The following IGSF21 variants were observed in gnomAD, a reference collection of about 807,000 sequenced individuals.
The protein encoded by IGSF21 is immunoglobulin superfamily member 21.
A neutral mutation model predicts 46.8 loss-of-function variants in IGSF21; 28 were observed. The observed-to-expected ratio is 0.60, with a 90% confidence interval of 0.44 to 0.82. IGSF21 has a LOEUF of 0.82. Among genes scored for constraint, IGSF21 ranks in the 40% least tolerant of loss-of-function variants. The pLI is 0.00. For synonymous variants in IGSF21, 284 were observed against 273.6 expected (o/e 1.04, Z -0.38); for missense variants, 624 against 665.5 (o/e 0.94, Z 0.69).
At position 18,198,479 on chromosome 1, in the gene IGSF21, A is replaced by C. The variant is rs578188031; in HGVS notation, c.71-29419A>C. Reference sequence around the variant, plus strand: ...CCCAGGGTGCCAAGGGATCGTCGTCATTCATCTCCCCCGTTTTTATTTTCT... The same window carrying C: ...CCCAGGGTGCCAAGGGATCGTCGTCCTTCATCTCCCCCGTTTTTATTTTCT... On this transcript the variant is annotated intron_variant, in intron 1 of 9. Coordinates refer to ENST00000251296, the MANE Select transcript of IGSF21 (RefSeq NM_032880.5). 2.6e-5 allele frequency among the ~76,000 whole-genome samples: 4 copies of C among 152,310 alleles called. No individual in the cohort carries two copies. The East Asian group carries it at 7.7e-4, about 29-fold the overall frequency.
intron 3 of IGSF21, among the ~76,000 whole-genome samples, chr1:18,319,686 G>A (rs149000916): frequency 2.0e-5 from 3 of 152,288 alleles, no homozygotes; most frequent in Non-Finnish European, 2.9e-5. Context: ...TTGTGCATTT[G>A]TTTCATCTAT....
intron 1 of IGSF21, among the ~76,000 whole-genome samples, chr1:18,181,051 G>T (rs147447352): frequency 6.6e-6 from 1 of 152,302 alleles, no homozygotes; most frequent in Non-Finnish European, 1.5e-5. Flanking sequence ...CATCGGGCAG[G>T]GCTGAGTGCT....
chr1:18,205,507 A>C (rs1360733170), intron 1 of IGSF21, among the ~76,000 whole-genome samples: 1 of 152,098 alleles, frequency 6.6e-6, no homozygotes, highest in African/African-American at 2.4e-5. Context: ...AGGATGGAAA[A>C]GGGACTGTGA....
At chr1:18,292,797 C>T (rs951248973) in intron 3 of IGSF21, among the ~76,000 whole-genome samples, 1 of 152,184 alleles carries the variant, frequency 6.6e-6, no homozygotes, top group African/African-American at 2.4e-5. Context: ...CTGAACTGAT[C>T]CCCCAAAGCT....
At chr1:18,312,048 C>T (rs528359883) in intron 3 of IGSF21, among the ~76,000 whole-genome samples, 1 of 152,166 alleles carries the variant, frequency 6.6e-6, no homozygotes, top group Non-Finnish European at 1.5e-5. Flanking sequence ...ACCAGGTTCA[C>T]CTTCCTTCTG....
At chr1:18,167,917 G>T (rs61763664) in intron 1 of IGSF21, among the ~76,000 whole-genome samples, 3 of 152,022 alleles carry the variant, frequency 2.0e-5, no homozygotes, top group African/African-American at 7.3e-5. Flanking sequence ...AGCTCCTCCT[G>T]CACGTTCCTC....
intron 1 of IGSF21, chr1:18,112,835 A>AG (rs889380430): frequency 3.9e-5 from 6 of 152,246 alleles, no homozygotes; most frequent in African/African-American, 1.4e-4. Flanking sequence ...TGCTGTGGGC[A>AG]GGGCACATGT....
chr1:18,307,156 T>C lies in IGSF21; in HGVS notation c.305+15169T>C, dbSNP rs188506556. On this transcript the variant is annotated intron_variant, in intron 3 of 9. Coordinates refer to ENST00000251296, the MANE Select transcript of IGSF21 (RefSeq NM_032880.5). ...GTTTGGCCATGTCTTGTTTTTTTTTTCCCCTGCTTGGTTAATGTTCCTGGG... is the reference window on the plus strand; with the variant it reads ...GTTTGGCCATGTCTTGTTTTTTTTTCCCCCTGCTTGGTTAATGTTCCTGGG... Among the ~76,000 whole-genome samples the C allele has an allele frequency of 3.7e-3, 557 of 152,156 alleles. 1 individual carries two copies. The highest frequency in any genetic ancestry group is 0.034 in the Middle Eastern group (10 of 294).
chr1:18,304,479 A>G (rs1019777153), intron 3 of IGSF21, among the ~76,000 whole-genome samples: 1 of 152,150 alleles, frequency 6.6e-6, no homozygotes, highest in African/African-American at 2.4e-5. Context: ...CCACCTGAGA[A>G]ACCAAGGCCC....
At chr1:18,299,895 C>A (rs2085344999) in intron 3 of IGSF21, among the ~76,000 whole-genome samples, 1 of 152,124 alleles carries the variant, frequency 6.6e-6, no homozygotes, top group African/African-American at 2.4e-5. Flanking sequence ...GGTCTCCTCC[C>A]AGCCACTAGG....
In IGSF21 at chr1:18,365,298, C is replaced by T. The variant is rs771315305; in HGVS notation, c.616C>T (p.Leu206=). Residue 206 remains leucine, a synonymous_variant, in exon 6 of 10, where the codon CTA becomes TTA. Transcript: ENST00000251296. The surrounding 1 kb of genome is among the most constrained non-coding windows in gnomAD (Gnocchi z 4.8). ...SEPPAASSGP[L]QDSRPFRSLL... is the part of the protein sequence containing the mutation. The stretch of plus-strand genomic sequence containing the variant: ...GCCACCAGCTGCGAGCTCCGGCCCC[C>T]TACAGGACAGCAGGCCCTTCCGCAG... The T allele has an allele frequency of 6.2e-7, 1 of 1,614,118 alleles. No homozygotes were observed.
intron 2 of IGSF21, among the ~76,000 whole-genome samples, chr1:18,258,465 G>T (rs940780053): frequency 1.3e-5 from 2 of 152,198 alleles, no homozygotes; most frequent in Non-Finnish European, 1.5e-5. Flanking sequence ...ATGGTAGAAG[G>T]AGGACTGGAT....
At chr1:18,257,676 C>T (rs574056143) in intron 2 of IGSF21, among the ~76,000 whole-genome samples, 45 of 152,288 alleles carry the variant, frequency 3.0e-4, no homozygotes, top group African/African-American at 1.1e-3. Context: ...GGCTTGGGTA[C>T]AGTGAATTTC....
At chr1:18,265,999 C>T (rs2084986247) in intron 2 of IGSF21, among the ~76,000 whole-genome samples, 1 of 152,100 alleles carries the variant, frequency 6.6e-6, no homozygotes, top group Non-Finnish European at 1.5e-5. Context: ...TTGATGAAGC[C>T]CGGAGACAGG....
At chr1:18,184,383 C>T (rs1477427834) in intron 1 of IGSF21, among the ~76,000 whole-genome samples, 1 of 152,174 alleles carries the variant, frequency 6.6e-6, no homozygotes, top group Non-Finnish European at 1.5e-5. Context: ...TATTTGGAAA[C>T]GTCCCTGGGG....
At chr1:18,247,048 C>CTTTTT (rs34980016) in intron 2 of IGSF21, among the ~76,000 whole-genome samples, 3 of 122,422 alleles carry the variant, frequency 2.5e-5, no homozygotes, top group Admixed American at 8.2e-5. Context: ...AGCTGGAATT[C>CTTTTT]TTTTTTTTTT....
intron 3 of IGSF21, among the ~76,000 whole-genome samples, chr1:18,329,386 A>G (rs2085690344): frequency 6.6e-6 from 1 of 152,194 alleles, no homozygotes; most frequent in Non-Finnish European, 1.5e-5. Flanking sequence ...AAAGGACCTC[A>G]TCCAACATCA....
At chr1:18,151,409 G>A (rs773800814) in intron 1 of IGSF21, among the ~76,000 whole-genome samples, 6 of 152,178 alleles carry the variant, frequency 3.9e-5, no homozygotes, top group African/African-American at 1.4e-4. Flanking sequence ...GAGGTTCCCC[G>A]CTGGATCCTC....
chr1:18,199,831 T>C (rs1026959335), intron 1 of IGSF21, among the ~76,000 whole-genome samples: 1 of 151,946 alleles, frequency 6.6e-6, no homozygotes, highest in East Asian at 1.9e-4. Flanking sequence ...TCAGAGCCCC[T>C]CCCCGCTTCG....
Sources: allele counts gnomAD v4.1 joint callset (sites outside exome capture counted in the v4.1 genomes callset), GRCh38; gene constraint gnomAD v4.1.1; non-coding constraint Gnocchi (gnomAD v3.1); transcripts MANE v1.5; gene names NCBI Gene and HGNC (gene_info 2026-07-23, HGNC 2026-07-21).